The following LRCH1 variants were observed in gnomAD, a reference collection of about 807,000 sequenced individuals.
LRCH1 encodes leucine-rich repeat and calponin homology domain-containing protein 1.
A neutral mutation model predicts 94.9 loss-of-function variants in LRCH1; 23 were observed. The observed-to-expected ratio is 0.24, with a 90% CI of 0.17 to 0.34. LRCH1 has a LOEUF of 0.34. Ranked by LOEUF, LRCH1 falls within the 10% of genes least tolerant of loss-of-function variation. LRCH1 has a pLI of 1.00. For missense variants in LRCH1, 790 were observed against 945.9 expected (o/e 0.84, Z 2.16); for synonymous variants, 364 against 354.9 (o/e 1.03, Z -0.29).
At chr13:46,728,447 C>T (rs1872937271) in intron 17 of LRCH1, among the ~76,000 whole-genome samples, 1 of 151,802 alleles carries the variant, frequency 6.6e-6, no homozygotes, top group African/African-American at 2.4e-5. Context: ...AACTCCTGAC[C>T]TCAGGTGAGC....
intron 16 of LRCH1, among the ~76,000 whole-genome samples, chr13:46,720,224 T>C (rs950903580): frequency 7.9e-5 from 12 of 151,884 alleles, no homozygotes; most frequent in African/African-American, 2.7e-4. Flanking sequence ...CCACCTCTAC[T>C]AAAAATATAA....
chr13:46,749,243 G>A (rs1874028366), downstream of LRCH1, among the ~76,000 whole-genome samples: 2 of 152,170 alleles, frequency 1.3e-5, no homozygotes, highest in South Asian at 4.1e-4. Context: ...CAACAACATG[G>A]ATGAACCTAG....
intron 11 of LRCH1, 101 bp from the exon 12 acceptor site, chr13:46,704,967 C>A: frequency 1.6e-6 from 1 of 622,408 alleles, no homozygotes; most frequent in Admixed American, 3.5e-5. Context: ...ATAAACATAA[C>A]TTTTTAGTAA....
chr13:46,621,989 T>C (rs1396658244), intron 1 of LRCH1, among the ~76,000 whole-genome samples: 2 of 152,190 alleles, frequency 1.3e-5, no homozygotes, highest in Non-Finnish European at 2.9e-5. Context: ...TTCCAGACAC[T>C]GGACTCCAAA....
At chr13:46,556,438 G>A (rs777364662) in intron 1 of LRCH1, among the ~76,000 whole-genome samples, 2 of 152,144 alleles carry the variant, frequency 1.3e-5, no homozygotes, top group Non-Finnish European at 2.9e-5. Context: ...AATAAGTTTT[G>A]TTGTCAGAGT....
chr13:46,631,212 T>C (rs1288816909), intron 1 of LRCH1, among the ~76,000 whole-genome samples: 1 of 152,236 alleles, frequency 6.6e-6, no homozygotes, highest in African/African-American at 2.4e-5. Context: ...TCAAACTACA[T>C]GCTCCAAAAG....
chr13:46,708,307 C>T (rs529231071), intron 13 of LRCH1, among the ~76,000 whole-genome samples: 15 of 139,446 alleles, frequency 1.1e-4, no homozygotes, highest in East Asian at 4.2e-4. Context: ...GGCAGAGTCT[C>T]GCTCTTGTCG....
chr13:46,661,943 G>A (rs933044469), intron 2 of LRCH1, among the ~76,000 whole-genome samples: 6 of 152,142 alleles, frequency 3.9e-5, no homozygotes, highest in Non-Finnish European at 8.8e-5. Flanking sequence ...GCCAGGCGCC[G>A]TGGCTCATGC....
intron 4 of LRCH1, among the ~76,000 whole-genome samples, 189 bp downstream of exon 4, chr13:46,682,035 T>C (rs893766250): frequency 7.9e-5 from 12 of 152,056 alleles, no homozygotes; most frequent in Non-Finnish European, 1.8e-4. Flanking sequence ...GCTGTGATTC[T>C]AGTCAAGGGC....
intron 2 of LRCH1, among the ~76,000 whole-genome samples, chr13:46,667,599 T>C (rs909818106): frequency 6.6e-6 from 1 of 151,516 alleles, no homozygotes; most frequent in Non-Finnish European, 1.5e-5. Flanking sequence ...ATGGGTGCAG[T>C]ACACCAACAT....
intron 2 of LRCH1, among the ~76,000 whole-genome samples, chr13:46,660,692 G>A (rs9534455): frequency 0.026 from 3,909 of 152,084 alleles, 67 homozygotes; most frequent in South Asian, 0.058. Flanking sequence ...CTCTATTACC[G>A]TATCTGGATA....
At chr13:46,656,852 A>C (rs1394880177) in intron 2 of LRCH1, among the ~76,000 whole-genome samples, 1 of 152,238 alleles carries the variant, frequency 6.6e-6, no homozygotes, top group Non-Finnish European at 1.5e-5. Context: ...AGTGTGAATG[A>C]GTGAATGATT....
Position 46,742,600 on chromosome 13 carries a change from T to A in LRCH1, c.*752T>A. ...AGTCACTTAAACACCAGTTTTTTAC[T>A]GCTTAATTCCTTGTTAGGTCTTCTC... is the stretch of plus-strand genomic sequence containing the variant. On this transcript the variant is annotated 3_prime_UTR_variant, in exon 20 of 20. Coordinates refer to ENST00000389797, the MANE Select transcript of LRCH1 (RefSeq NM_001164211.2). 1.0e-6 allele frequency: 1 copy of A among 985,450 alleles called. No individual in the cohort carries two copies. Among genetic ancestry groups the A allele is most frequent in the Non-Finnish European group, 1.2e-6 (1 of 829,942 alleles). 61.0% of individuals were successfully genotyped at this position (985,450 alleles called of 1,614,324 possible).
chr13:46,717,217 G>A (rs1227002736), intron 16 of LRCH1, among the ~76,000 whole-genome samples: 1 of 152,126 alleles, frequency 6.6e-6, no homozygotes, highest in Non-Finnish European at 1.5e-5. Context: ...CCTAACTCTG[G>A]AATCATCTCT....
Position 46,657,692 on chromosome 13 carries a change from AT to A in LRCH1, c.452+7363del, listed in dbSNP as rs55823488. Among the ~76,000 whole-genome samples the A allele has an allele frequency of 7.5e-4, 35 of 46,916 alleles. 1 individual carries two copies. The highest frequency in any genetic ancestry group is 0.022 in the Middle Eastern group (1 of 46). The allele number at this position is 46,916 out of a possible 152,430, so 30.8% of individuals were successfully genotyped here. ...AGACGTGCGCCACCATGCCCAGCTA[AT>A]TTTTTTTTTTTTTTTGGTAGAGATG... On this transcript the variant is annotated intron_variant, in intron 2 of 19. Coordinates refer to ENST00000389797, the MANE Select transcript of LRCH1 (RefSeq NM_001164211.2).
At chr13:46,554,424 A>G (rs2050040369) in intron 1 of LRCH1, among the ~76,000 whole-genome samples, 1 of 151,810 alleles carries the variant, frequency 6.6e-6, no homozygotes, top group Non-Finnish European at 1.5e-5. Context: ...CACCGCCCAC[A>G]CAGTTTGGGT....
intron 3 of LRCH1, among the ~76,000 whole-genome samples, chr13:46,680,951 G>C (rs1370706933): frequency 6.6e-6 from 1 of 152,156 alleles, no homozygotes; most frequent in Admixed American, 6.6e-5. Flanking sequence ...GGGGGTGTGT[G>C]GGGGAGTGAA....
At chr13:46,651,762 G>A (rs1333961824) in intron 2 of LRCH1, among the ~76,000 whole-genome samples, 21 of 148,534 alleles carry the variant, frequency 1.4e-4, no homozygotes, top group Admixed American at 3.3e-4. Flanking sequence ...GTGCAGTGGC[G>A]CCATCTCAGC....
At chr13:46,667,032 C>G (rs2051526415) in intron 2 of LRCH1, among the ~76,000 whole-genome samples, 1 of 152,158 alleles carries the variant, frequency 6.6e-6, no homozygotes, top group Non-Finnish European at 1.5e-5. Flanking sequence ...AAGTGAAGAG[C>G]TGGTTGGTCT....
Sources: allele counts gnomAD v4.1 joint callset (sites outside exome capture counted in the v4.1 genomes callset), GRCh38; gene constraint gnomAD v4.1.1; transcripts MANE v1.5; gene names NCBI Gene and HGNC (gene_info 2026-07-23, HGNC 2026-07-21).